The following ARGFX variants were observed in gnomAD, a reference collection of about 807,000 sequenced individuals.
The protein encoded by ARGFX is arginine-fifty homeobox.
Under a neutral mutation model 8.0 loss-of-function variants are expected in ARGFX, and 10 were observed. The ratio of observed to expected loss-of-function variants is 1.25; its 90% CI spans 0.77 to 2.12. ARGFX has a LOEUF of 2.12. Ranked by LOEUF, ARGFX falls within the 30% of genes most tolerant of loss-of-function variation. The pLI, the probability that ARGFX is intolerant of heterozygous loss-of-function variation, is 0.00. For synonymous variants in ARGFX, 116 were observed against 117.8 expected (o/e 0.98, Z 0.10); for missense variants, 282 against 324.3 (o/e 0.87, Z 1.00).
chr3:121,570,627 G>A lies in ARGFX; in HGVS notation c.-12-75G>A, dbSNP rs936993147. 4.2e-6 allele frequency: 4 copies of A among 952,342 alleles called. No homozygotes were observed. The East Asian group carries it at 8.2e-5, about 19-fold the overall frequency. The allele number at this position is 952,342 out of a possible 1,614,324, so 59.0% of individuals were successfully genotyped here. A position where few individuals can be genotyped will look rare whatever the true frequency, so the allele number is the denominator to read the frequency against. On this transcript the variant is annotated intron_variant, in intron 1 of 4. Coordinates refer to ENST00000334384, the MANE Select transcript of ARGFX (RefSeq NM_001012659.2). ...GCCAGAGGTCATACATCAAGCCCAGGCTCCTTGAAAACATTGCTATCCAGC... is the reference window on the plus strand; with the variant it reads ...GCCAGAGGTCATACATCAAGCCCAGACTCCTTGAAAACATTGCTATCCAGC...
At chr3:121,574,365 T>A (rs149789937) in intron 2 of ARGFX, among the ~76,000 whole-genome samples, 1 of 152,246 alleles carries the variant, frequency 6.6e-6, no homozygotes, top group East Asian at 1.9e-4. Context: ...ATTATTACAT[T>A]GTAATATATA....
Position 121,570,690 on chromosome 3 carries a change from C to T in ARGFX, c.-12-12C>T, listed in dbSNP as rs1435231391. 11 of 1,555,140 alleles carry T rather than the reference C, an allele frequency of 7.1e-6. No homozygotes were observed. Among genetic ancestry groups the T allele is most frequent in the Non-Finnish European group, 9.7e-6 (11 of 1,135,832 alleles). ...CATCAGCATTCCCTATCTCATAGGC[C>T]TTCCATCTCAGATTTCAGAAACCAT... On this transcript the variant is annotated splice_polypyrimidine_tract_variant and intron_variant, in intron 1 of 4. Transcript: ENST00000334384.
At chr3:121,577,257 ATAT>A (rs1351793125) in intron 3 of ARGFX, among the ~76,000 whole-genome samples, 1 of 56,436 alleles carries the variant, frequency 1.8e-5, no homozygotes. Context: ...ATATATATAT[ATAT>A]TTTTTTTTTT....
intron 2 of ARGFX, among the ~76,000 whole-genome samples, chr3:121,572,095 G>T (rs1255488006): frequency 6.6e-6 from 1 of 151,988 alleles, no homozygotes; most frequent in Non-Finnish European, 1.5e-5. Context: ...GCCTCTCAAA[G>T]TACTGGGATT....
At chr3:121,577,364 C>G (rs2048749271) in intron 3 of ARGFX, among the ~76,000 whole-genome samples, 1 of 150,562 alleles carries the variant, frequency 6.6e-6, no homozygotes, top group African/African-American at 2.4e-5. Context: ...AGCGATTCTC[C>G]TGCCTCAGCC....
chr3:121,577,240 TATATATATATATATATA>T (rs2048744950), intron 3 of ARGFX, among the ~76,000 whole-genome samples: 4 of 65,838 alleles, frequency 6.1e-5, no homozygotes, highest in East Asian at 7.3e-4. Context: ...TATATATATA[TATATATATATATATATA>T]TATTTTTTTT....
chr3:121,570,731 C>T lies in ARGFX; in HGVS notation c.18C>T (p.Ala6=). 6.2e-7 allele frequency: 1 copy of T among 1,610,012 alleles called. No individual in the cohort carries two copies. The highest frequency in any genetic ancestry group is 2.2e-5 in the East Asian group (1 of 44,510). Residue 6 remains alanine (A), a synonymous_variant, in exon 2 of 5, where the codon GCC becomes GCT. Transcript: ENST00000334384. ...CAGAAACCATGAGGAACAGAATGGCCCCAGAGAATCCCCAGCCAGACCCTT... is the reference window on the plus strand; with the variant it reads ...CAGAAACCATGAGGAACAGAATGGCTCCAGAGAATCCCCAGCCAGACCCTT... MRNRM[A]PENPQPDPFI...
At chr3:121,578,582 TA>T (rs1432228314) in intron 3 of ARGFX, among the ~76,000 whole-genome samples, 2 of 152,020 alleles carry the variant, frequency 1.3e-5, no homozygotes, top group Non-Finnish European at 2.9e-5. Flanking sequence ...CATCTGTATT[TA>T]AAAAATTAAA....
At chr3:121,569,090 C>T (rs1028521630) in intron 1 of ARGFX, among the ~76,000 whole-genome samples, 1 of 152,060 alleles carries the variant, frequency 6.6e-6, no homozygotes, top group African/African-American at 2.4e-5. Flanking sequence ...ATTTTCCACA[C>T]ACAAAAAAAA....
intron 3 of ARGFX, among the ~76,000 whole-genome samples, chr3:121,580,185 C>T (rs1445561189): frequency 2.6e-5 from 4 of 151,578 alleles, no homozygotes; most frequent in Non-Finnish European, 4.4e-5. Flanking sequence ...AGACTGGTCT[C>T]GAACTCCTAA....
intron 1 of ARGFX, among the ~76,000 whole-genome samples, chr3:121,569,734 A>G (rs1008118699): frequency 2.0e-5 from 3 of 152,350 alleles, no homozygotes; most frequent in East Asian, 3.9e-4. Context: ...CCATTGGTCT[A>G]CATTGAACTT....
chr3:121,571,453 A>G (rs1370942017), intron 2 of ARGFX, among the ~76,000 whole-genome samples: 1 of 152,048 alleles, frequency 6.6e-6, no homozygotes, highest in East Asian at 1.9e-4. Flanking sequence ...AATAAACTTA[A>G]CTAAGGATGT....
intron 3 of ARGFX, among the ~76,000 whole-genome samples, chr3:121,581,771 T>A (rs2048781716): frequency 6.6e-6 from 1 of 151,894 alleles, no homozygotes; most frequent in African/African-American, 2.4e-5. Context: ...AGGCATGGTG[T>A]GTGCACCTCT....
intron 3 of ARGFX, among the ~76,000 whole-genome samples, chr3:121,578,661 T>G (rs887872028): frequency 2.0e-5 from 3 of 149,198 alleles, no homozygotes; most frequent in African/African-American, 7.4e-5. Flanking sequence ...CCTAGAAAAG[T>G]ATAGTTTTAT....
rs2048815121 is a variant in ARGFX at position 121,586,709 on chromosome 3, TC to T, written c.*110del. 2 of 944,144 alleles carry T rather than the reference TC, an allele frequency of 2.1e-6. No individual in the cohort carries two copies. The highest frequency in any genetic ancestry group is 3.3e-5 in the African/African-American group (2 of 60,356). 58.5% of individuals were successfully genotyped at this position (944,144 alleles called of 1,614,324 possible). On this transcript the variant is annotated 3_prime_UTR_variant, in exon 5 of 5. Transcript: ENST00000334384. ...TTAACCCAACATCTGGGTCTGTGTC[TC>T]TGATTTCCATGTAAATGTTGCAAAA... is the stretch of plus-strand genomic sequence containing the variant.
intron 2 of ARGFX, 37 bp downstream of exon 2, chr3:121,570,853 A>G (rs774310515): frequency 1.4e-6 from 2 of 1,416,830 alleles, no homozygotes; most frequent in South Asian, 2.8e-5. Context: ...TTCCTTTTCT[A>G]CTGCCCCATT....
rs1269846339 is a variant in ARGFX, at chr3:121,588,884, A to G, written c.*2284A>G. On this transcript the variant is annotated 3_prime_UTR_variant, in exon 5 of 5. Coordinates refer to ENST00000334384, the MANE Select transcript of ARGFX (RefSeq NM_001012659.2). ...GCAGTGTGTTCTCCAAACATGATGGAACGAAATTAGAAATCAATAAAATTT... is the reference window on the plus strand; with the variant it reads ...GCAGTGTGTTCTCCAAACATGATGGGACGAAATTAGAAATCAATAAAATTT... Among the ~76,000 whole-genome samples the G allele has an allele frequency of 6.6e-6, 1 of 152,210 alleles. No individual in the cohort carries two copies. The highest frequency in any genetic ancestry group is 1.5e-5 in the Non-Finnish European group (1 of 68,044).
In ARGFX at chr3:121,587,185, G is replaced by T; in HGVS notation, c.*585G>T. ...TCCTGTGTCAGCCTCCTGAGTAGCT[G>T]GGATTACAGGCGTGTGCCACCATGC... is the stretch of plus-strand genomic sequence containing the variant. On this transcript the variant is annotated 3_prime_UTR_variant, in exon 5 of 5. Coordinates refer to ENST00000334384, the MANE Select transcript of ARGFX (RefSeq NM_001012659.2). Among the ~76,000 whole-genome samples, 1 of 152,182 alleles carries T rather than the reference G, an allele frequency of 6.6e-6. No individual in the cohort carries two copies. The highest frequency in any genetic ancestry group is 1.9e-4 in the East Asian group (1 of 5,194).
chr3:121,580,668 G>A (rs916345067), intron 3 of ARGFX, among the ~76,000 whole-genome samples: 3 of 145,842 alleles, frequency 2.1e-5, no homozygotes, highest in East Asian at 4.3e-4. Context: ...GCAGTGGTGC[G>A]GACTTGACTC....
Sources: gnomAD v4.1 joint callset for allele counts (sites outside exome capture counted in the v4.1 genomes callset) on GRCh38, gnomAD v4.1.1 for gene constraint, MANE v1.5 for transcripts, NCBI Gene and HGNC (gene_info 2026-07-23, HGNC 2026-07-21) for gene names.